Variants in CSMD1 observed in about 807,000 individuals in gnomAD.
The protein encoded by CSMD1 is CUB and Sushi multiple domains 1.
A neutral mutation model predicts 417.5 loss-of-function variants in CSMD1; 213 were observed. The ratio of observed to expected loss-of-function variants is 0.51; its 90% confidence interval spans 0.46 to 0.57. The LOEUF is 0.57. Among genes scored for constraint, CSMD1 ranks in the 20% least tolerant of loss-of-function variants. The probability of loss-of-function intolerance (pLI) is 0.00; values close to 1 mark genes in which losing one functional copy is unlikely to be tolerated. For synonymous variants in CSMD1, 2,862 were observed against 1,736.8 expected (o/e 1.65, Z -16.11); for missense variants, 6,923 against 4,529.7 (o/e 1.53, Z -15.17).
At chr8:4,949,650 G>A (rs915569048) in intron 1 of CSMD1, among the ~76,000 whole-genome samples, 1 of 152,092 alleles carries the variant, frequency 6.6e-6, no homozygotes, top group Admixed American at 6.6e-5. Flanking sequence ...GACCCCACAT[G>A]GCAATAGTGC....
chr8:4,284,097 G>C (rs1796931962), intron 3 of CSMD1, among the ~76,000 whole-genome samples: 2 of 152,190 alleles, frequency 1.3e-5, no homozygotes, highest in Non-Finnish European at 1.5e-5. Flanking sequence ...GCTAGGCATG[G>C]TGGCTCACAC....
chr8:4,178,570 G>A (rs1798184718), intron 3 of CSMD1, among the ~76,000 whole-genome samples: 1 of 151,338 alleles, frequency 6.6e-6, no homozygotes, highest in Non-Finnish European at 1.5e-5. Context: ...AGTGTTGGAA[G>A]TTCTGGCCAG....
chr8:4,417,777 T>C (rs1277878390), intron 3 of CSMD1, among the ~76,000 whole-genome samples: 1 of 152,048 alleles, frequency 6.6e-6, no homozygotes, highest in Non-Finnish European at 1.5e-5. Context: ...TTATCATTAA[T>C]TCTACTTCAT....
At position 4,722,495 on chromosome 8, in the gene CSMD1, G is replaced by C. The variant is rs146562182; in HGVS notation, c.86-84937C>G. 1.7e-3 allele frequency among the ~76,000 whole-genome samples: 255 copies of C among 152,084 alleles called. 1 individual carries two copies. Among genetic ancestry groups the C allele is most frequent in the Non-Finnish European group, 2.8e-3 (188 of 67,998 alleles). On this transcript the variant is annotated intron_variant, in intron 1 of 69. Coordinates refer to ENST00000635120, the MANE Select transcript of CSMD1 (RefSeq NM_033225.6). ...AAGTCACTATATCCTGCTTCCATTA[G>C]GACTTGGGAGGATTGCTGATTCTTC... is the stretch of plus-strand genomic sequence containing the variant.
At chr8:2,963,506 GT>G in intron 59 of CSMD1, 111 bp from the exon 60 acceptor site, 2 of 1,030,868 alleles carry the variant, frequency 1.9e-6, no homozygotes, top group Non-Finnish European at 1.4e-6. Flanking sequence ...ATCTACATAG[GT>G]TTTTAAAAAA....
intron 6 of CSMD1, among the ~76,000 whole-genome samples, chr8:3,713,800 A>G (rs1471146075): frequency 2.6e-5 from 4 of 152,242 alleles, no homozygotes; most frequent in Non-Finnish European, 5.9e-5. Context: ...ATAGAGACCA[A>G]CTACTTGCAA....
intron 5 of CSMD1, among the ~76,000 whole-genome samples, chr8:3,970,261 C>T (rs774988044): frequency 5.9e-5 from 9 of 152,170 alleles, no homozygotes; most frequent in African/African-American, 1.7e-4. Context: ...CAGACCAGAA[C>T]GCTGTATGTC....
At chr8:4,778,430 A>T (rs987298458) in intron 1 of CSMD1, among the ~76,000 whole-genome samples, 2 of 152,190 alleles carry the variant, frequency 1.3e-5, no homozygotes, top group South Asian at 4.1e-4. Flanking sequence ...GGTAATTTGA[A>T]GTACCTGGAC....
intron 3 of CSMD1, among the ~76,000 whole-genome samples, chr8:4,156,525 CT>C (rs1796843244): frequency 6.6e-6 from 1 of 152,064 alleles, no homozygotes; most frequent in African/African-American, 2.4e-5. Flanking sequence ...GTAAGTTCCT[CT>C]TATTTGACTT....
At chr8:4,208,389 C>A (rs1180148635) in intron 3 of CSMD1, among the ~76,000 whole-genome samples, 1 of 152,150 alleles carries the variant, frequency 6.6e-6, no homozygotes, top group Non-Finnish European at 1.5e-5. Flanking sequence ...AATTGAGTTA[C>A]TGGCCTATTA....
At chr8:4,234,873 T>G (rs1271524659) in intron 3 of CSMD1, among the ~76,000 whole-genome samples, 1 of 152,118 alleles carries the variant, frequency 6.6e-6, no homozygotes, top group Admixed American at 6.6e-5. Context: ...CACGTAGCTT[T>G]TCCTCGGTGT....
At chr8:2,955,233 C>G (rs1358847144) in intron 64 of CSMD1, among the ~76,000 whole-genome samples, 1 of 152,210 alleles carries the variant, frequency 6.6e-6, no homozygotes, top group African/African-American at 2.4e-5. Context: ...ATTTTCATCT[C>G]TAAGAACTAC....
chr8:3,872,444 C>T (rs889435252), intron 5 of CSMD1, among the ~76,000 whole-genome samples: 1 of 152,116 alleles, frequency 6.6e-6, no homozygotes, highest in East Asian at 1.9e-4. Context: ...TTATCCGAAG[C>T]CCACTGTGCA....
chr8:3,449,679 G>A (rs1815562920), intron 12 of CSMD1, among the ~76,000 whole-genome samples: 1 of 151,976 alleles, frequency 6.6e-6, no homozygotes. Context: ...AACCATGCCT[G>A]GCTAATTTTT....
intron 5 of CSMD1, among the ~76,000 whole-genome samples, chr8:3,896,792 G>C (rs112530042): frequency 1.3e-5 from 2 of 152,076 alleles, no homozygotes; most frequent in Non-Finnish European, 2.9e-5. Context: ...TATTGTCTGA[G>C]AGTCTGAATT....
At chr8:4,263,941 A>G (rs1450205662) in intron 3 of CSMD1, among the ~76,000 whole-genome samples, 1 of 152,188 alleles carries the variant, frequency 6.6e-6, no homozygotes, top group East Asian at 1.9e-4. Flanking sequence ...TTCTATCTAT[A>G]TAATGCAATT....
chr8:4,638,581 G>A (rs545605777), intron 1 of CSMD1, among the ~76,000 whole-genome samples: 5 of 152,304 alleles, frequency 3.3e-5, no homozygotes, highest in Admixed American at 1.3e-4. Flanking sequence ...AAAGGAAGGT[G>A]TACCACAAAA....
intron 42 of CSMD1, among the ~76,000 whole-genome samples, chr8:3,113,561 A>G (rs1423668263): frequency 6.6e-6 from 1 of 152,208 alleles, no homozygotes; most frequent in Admixed American, 6.5e-5. Flanking sequence ...GTCACGCCCA[A>G]TGGGAAACAT....
chr8:3,200,137 T>C (rs1796918752), intron 32 of CSMD1, among the ~76,000 whole-genome samples: 1 of 152,180 alleles, frequency 6.6e-6, no homozygotes, highest in African/African-American at 2.4e-5. Context: ...CACCTTACTC[T>C]GATTTTAGTT....
Sources: allele counts gnomAD v4.1 joint callset (sites outside exome capture counted in the v4.1 genomes callset), GRCh38; gene constraint gnomAD v4.1.1; transcripts MANE v1.5; gene names NCBI Gene and HGNC (gene_info 2026-07-23, HGNC 2026-07-21).